PDZD8: variants seen among roughly 807,000 people sequenced by gnomAD.
PDZD8 encodes PDZ domain-containing protein 8.
A neutral mutation model predicts 85.8 loss-of-function variants in PDZD8; 14 were observed. That is an observed-to-expected ratio of 0.16 (90% CI 0.11 to 0.26). The LOEUF is 0.26. Ranked by LOEUF, PDZD8 falls within the 10% of genes least tolerant of loss-of-function variation. The probability of loss-of-function intolerance (pLI) is 1.00; values close to 1 mark genes in which losing one functional copy is unlikely to be tolerated. For missense variants in PDZD8, 1,197 were observed against 1,424.3 expected, an observed-to-expected ratio of 0.84 and a Z score of 2.57; for synonymous variants, 592 against 568.6, an observed-to-expected ratio of 1.04 and a Z score of -0.59.
chr10:117,362,473 C>G (rs761774945), intron 1 of PDZD8, among the ~76,000 whole-genome samples: 10 of 152,050 alleles, frequency 6.6e-5, no homozygotes, highest in Non-Finnish European at 1.2e-4. Flanking sequence ...AATTCCTCAT[C>G]TTCTAATCCT....
intron 4 of PDZD8, among the ~76,000 whole-genome samples, chr10:117,288,409 CA>C (rs903210249): frequency 2.0e-5 from 3 of 151,466 alleles, no homozygotes; most frequent in African/African-American, 7.3e-5. Flanking sequence ...AACAAAAAAA[CA>C]AAAAAAGAGA....
chr10:117,374,547 T>C lies in PDZD8; in HGVS notation c.681A>G (p.Gly227=), dbSNP rs3814229. 0.18 allele frequency: 285,546 copies of C among 1,604,260 alleles called. 29,263 individuals carry two copies. Among genetic ancestry groups the C allele is most frequent in the East Asian group, 0.43 (18,893 of 44,452 alleles). The stretch of plus-strand genomic sequence containing the variant: ...CGCGCGTAAAGACCAAGCGCAGCCT[T>C]CCCACCACGCGGGACAGCTTGACAA... The part of the protein sequence containing the change: ...YLFVKLSRVV[G]RLRLVFTRVP... Residue 227 remains glycine (G), a synonymous_variant, in exon 1 of 5, where the codon GGA becomes GGG. Transcript: ENST00000334464. This position sits in a 1 kb window ranked among gnomAD's most constrained non-coding sequence, Gnocchi z 7.8.
intron 1 of PDZD8, among the ~76,000 whole-genome samples, chr10:117,345,841 G>T (rs559458483): frequency 2.7e-4 from 41 of 152,214 alleles, no homozygotes; most frequent in Admixed American, 7.8e-4. Context: ...GAGAGAATAG[G>T]CTGTAAAACG....
rs1311874271 is a variant in PDZD8 at position 117,284,009 on chromosome 10, T to C, written c.2724A>G (p.Glu908=). 6.2e-7 allele frequency: 1 copy of C among 1,614,090 alleles called. No individual in the cohort carries two copies. The highest frequency in any genetic ancestry group is 8.5e-7 in the Non-Finnish European group (1 of 1,180,030). ...GCAGGCCTAAGAGGGTTTCCTGTCC[T>C]TCCAGCCTAAGGTTTTTCAGTGTCC... ...IDRTLKNLRL[E]GQETLLGLPP... Residue 908 remains glutamate (E), a synonymous_variant, in exon 5 of 5, where the codon GAA becomes GAG. Coordinates refer to ENST00000334464, the MANE Select transcript of PDZD8 (RefSeq NM_173791.5).
intron 3 of PDZD8, among the ~76,000 whole-genome samples, chr10:117,305,366 T>C (rs927029568): frequency 6.6e-6 from 1 of 151,808 alleles, no homozygotes; most frequent in African/African-American, 2.4e-5. Flanking sequence ...TGAGCAGAGA[T>C]TGCACCACTG....
intron 2 of PDZD8, among the ~76,000 whole-genome samples, chr10:117,335,129 A>T (rs1844494876): frequency 6.6e-6 from 1 of 152,252 alleles, no homozygotes; most frequent in African/African-American, 2.4e-5. Flanking sequence ...AAGGTTGGAA[A>T]GCAGCCAGAG....
At chr10:117,340,832 G>C in intron 2 of PDZD8, 148 bp downstream of exon 2, 1 of 908,402 alleles carries the variant, frequency 1.1e-6, no homozygotes. Context: ...AGTTAGAAAG[G>C]ACTACTTTTA....
chr10:117,312,257 T>C (rs1337251336), intron 3 of PDZD8, among the ~76,000 whole-genome samples: 1 of 151,650 alleles, frequency 6.6e-6, no homozygotes, highest in East Asian at 1.9e-4. Context: ...GTATGGCAAG[T>C]GTGGAGGAGT....
chr10:117,338,994 T>C (rs1844562686), intron 2 of PDZD8, among the ~76,000 whole-genome samples: 1 of 152,148 alleles, frequency 6.6e-6, no homozygotes, highest in Non-Finnish European at 1.5e-5. Context: ...ATATGTATTT[T>C]ACTGTACACT....
intron 3 of PDZD8, among the ~76,000 whole-genome samples, chr10:117,305,979 C>T (rs573170455): frequency 6.6e-6 from 1 of 152,280 alleles, no homozygotes; most frequent in South Asian, 2.1e-4. Flanking sequence ...ATATCTACCA[C>T]ACTGGGTTGT....
intron 2 of PDZD8, among the ~76,000 whole-genome samples, chr10:117,326,992 C>G (rs1322608540): frequency 1.3e-5 from 2 of 152,160 alleles, no homozygotes; most frequent in African/African-American, 4.8e-5. Context: ...GGAACATACT[C>G]CAAACTCTTC....
In PDZD8 at chr10:117,375,263, G is replaced by T. The variant is rs990986445; in HGVS notation, c.-36C>A. 12 of 1,423,702 alleles carry T rather than the reference G, an allele frequency of 8.4e-6. No individual in the cohort carries two copies. In the South Asian group the frequency reaches 1.8e-4, roughly 21 times the overall value. 88.2% of individuals were successfully genotyped at this position (1,423,702 alleles called of 1,614,324 possible). ...CCTCCGCCCGGGCCCCTACTCCCGC[G>T]CCCACAGCGCCGCTTTCTTCACGCC... On this transcript the variant is annotated 5_prime_UTR_variant, in exon 1 of 5. Coordinates refer to ENST00000334464, the MANE Select transcript of PDZD8 (RefSeq NM_173791.5).
At chr10:117,325,001 T>C (rs1443305672) in intron 2 of PDZD8, among the ~76,000 whole-genome samples, 1 of 152,160 alleles carries the variant, frequency 6.6e-6, no homozygotes, top group Admixed American at 6.5e-5. Context: ...TCTGTTCTCC[T>C]TGTAAAAGGA....
intron 1 of PDZD8, among the ~76,000 whole-genome samples, chr10:117,343,521 T>C (rs1844652644): frequency 6.6e-6 from 1 of 150,994 alleles, no homozygotes; most frequent in South Asian, 2.1e-4. Flanking sequence ...CTGAAAAACA[T>C]ATAACTGTTA....
chr10:117,375,131 G>T lies in PDZD8; in HGVS notation c.97C>A (p.Pro33Thr). 6.3e-7 allele frequency: 1 copy of T among 1,591,010 alleles called. No individual in the cohort carries two copies. The highest frequency in any genetic ancestry group is 8.5e-7 in the Non-Finnish European group (1 of 1,174,616). Residue 33 changes from proline to threonine, a missense_variant, in exon 1 of 5, where the codon CCG becomes ACG. Pro to Thr is a conservative substitution (Grantham distance 38). Around this residue, in one of 4 missense-constraint regions of PDZD8, gnomAD observed 172 missense variants for 137.8 expected, o/e 1.25. Transcript: ENST00000334464. ...FFLLYRRQPEPPADEAARAGE... is the reference protein window; with the variant it reads ...FFLLYRRQPETPADEAARAGE... ...GCGCGGGCGGCCTCGTCCGCCGGCG[G>T]CTCGGGCTGTCTGCGGTACAGCAGG... is the stretch of plus-strand genomic sequence containing the variant.
intron 1 of PDZD8, among the ~76,000 whole-genome samples, chr10:117,362,073 C>T (rs1486732068): frequency 6.6e-6 from 1 of 152,136 alleles, no homozygotes; most frequent in African/African-American, 2.4e-5. Flanking sequence ...GTCCAGCTTT[C>T]TCCTAATTTT....
In PDZD8 at chr10:117,278,311, TAAATGA is replaced by T. The variant is rs970523962; in HGVS notation, c.*4951_*4956del. On this transcript the variant is annotated 3_prime_UTR_variant, in exon 5 of 5. Transcript: ENST00000334464. ...TTCACATCAATGTGAAGACAAATTT[TAAATGA>T]AAATGAAGAATGAAATTATGTCTTG... The T allele has an allele frequency of 9.2e-5, 14 of 152,244 alleles. No homozygotes were observed. The highest frequency in any genetic ancestry group is 3.1e-4 in the African/African-American group (13 of 41,476). The allele number at this position is 152,244 out of a possible 1,614,324, so 9.4% of individuals were successfully genotyped here. A position where few individuals can be genotyped will look rare whatever the true frequency, so the allele number is the denominator to read the frequency against.
At position 117,284,139 on chromosome 10, in the gene PDZD8, G is replaced by A. The variant is rs1345110240; in HGVS notation, c.2594C>T (p.Ala865Val). 5.0e-6 allele frequency: 8 copies of A among 1,614,034 alleles called. No individual in the cohort carries two copies. The highest frequency in any genetic ancestry group is 1.3e-5 in the African/African-American group (1 of 74,898). Residue 865 changes from alanine (A) to valine (V), a missense_variant, in exon 5 of 5, where the codon GCA (alanine) becomes GTA (valine). Physicochemically the swap from Ala to Val is moderately conservative, Grantham distance 64. This residue lies in a region of PDZD8 where 418 missense variants were observed against 571.1 expected (regional missense o/e 0.73). Coordinates refer to ENST00000334464, the MANE Select transcript of PDZD8 (RefSeq NM_173791.5). The part of the protein sequence containing the change: ...DYCKKKVWTK[A>V]ASQCMFCAYV... ...AGCACAAAACATACACTGGGAAGCT[G>A]CTTTAGTCCAAACTTTTTTCTTACA...
intron 2 of PDZD8, among the ~76,000 whole-genome samples, chr10:117,324,580 C>T (rs1258889887): frequency 6.6e-6 from 1 of 152,138 alleles, no homozygotes. Context: ...CGTCAAGATT[C>T]ATTATAAGTA....
Sources: gnomAD v4.1 joint callset for allele counts (sites outside exome capture counted in the v4.1 genomes callset) on GRCh38, gnomAD v4.1.1 for gene constraint, gnomAD v4.1.1 regional missense constraint, Gnocchi (gnomAD v3.1) non-coding constraint, MANE v1.5 for transcripts, NCBI Gene and HGNC (gene_info 2026-07-23, HGNC 2026-07-21) for gene names.